Variants in XKR9 observed in about 807,000 individuals in gnomAD.
XKR9 encodes the protein XK-related protein 9.
XKR9 carries 32 observed loss-of-function variants against 32.0 expected under a neutral mutation model. That is an observed-to-expected ratio of 1.00 (90% CI 0.76 to 1.34). The LOEUF (loss-of-function observed/expected upper bound fraction) is 1.34, where lower values mean the gene tolerates loss of function less well. Among genes scored for constraint, XKR9 ranks in the 40% most tolerant of loss-of-function variants. The pLI, the probability that XKR9 is intolerant of heterozygous loss-of-function variation, is 0.00. For missense variants in XKR9, 546 were observed against 429.7 expected, an observed-to-expected ratio of 1.27 and a Z score of -2.39; for synonymous variants, 168 against 143.4, an observed-to-expected ratio of 1.17 and a Z score of -1.22.
At chr8:70,673,431 A>G (rs191507254) in intron 1 of XKR9, among the ~76,000 whole-genome samples, 55 of 152,356 alleles carry the variant, frequency 3.6e-4, no homozygotes, top group South Asian at 1.2e-3. Context: ...AATAGAAGGT[A>G]GATAGTGACT....
chr8:71,032,294 A>T, the XKR9 span, among the ~76,000 whole-genome samples: 75 of 150,602 alleles, frequency 5.0e-4, no homozygotes, highest in Non-Finnish European at 7.7e-4. Flanking sequence ...AAAAAAAAAA[A>T]AAAAAAAAAA....
chr8:70,948,004 G>A, the XKR9 span, among the ~76,000 whole-genome samples: 1 of 152,188 alleles, frequency 6.6e-6, no homozygotes, highest in Non-Finnish European at 1.5e-5. Flanking sequence ...TGAAGCAGCA[G>A]ATTTTGCCCC....
rs144076714 is a variant in XKR9 at position 70,751,574 on chromosome 8, C to G, written n.353-37765C>G. On this transcript the variant is annotated intron_variant and non_coding_transcript_variant, in intron 2 of 3. Transcript: ENST00000520273. ...ACTAAGTAAGGAAGATGTACCTTCACCCAATATGGGTAGGTACCATACGAT... is the reference window on the plus strand; with the variant it reads ...ACTAAGTAAGGAAGATGTACCTTCAGCCAATATGGGTAGGTACCATACGAT... Among the ~76,000 whole-genome samples the G allele has an allele frequency of 4.3e-3, 658 of 152,262 alleles. 4 individuals are homozygous for G. The highest frequency in any genetic ancestry group is 0.016 in the South Asian group (75 of 4,828).
At chr8:70,938,633 C>A in the XKR9 span, among the ~76,000 whole-genome samples, 6 of 152,052 alleles carry the variant, frequency 3.9e-5, no homozygotes, top group African/African-American at 1.4e-4. Flanking sequence ...TTGAAAGATA[C>A]AAAAGCCTCA....
chr8:70,759,696 G>C (rs937635213), intron 2 of XKR9, among the ~76,000 whole-genome samples: 3 of 152,116 alleles, frequency 2.0e-5, no homozygotes, highest in African/African-American at 7.2e-5. Flanking sequence ...TACCGTATTG[G>C]TATTTGCTGT....
chr8:70,834,567 A>T, the XKR9 span, among the ~76,000 whole-genome samples: 96 of 152,220 alleles, frequency 6.3e-4, no homozygotes, highest in Non-Finnish European at 6.9e-4. Context: ...TTTTATTCAA[A>T]AATATATCTT....
At chr8:70,672,410 T>C (rs562975187) in intron 1 of XKR9, among the ~76,000 whole-genome samples, 1 of 152,270 alleles carries the variant, frequency 6.6e-6, no homozygotes, top group East Asian at 1.9e-4. Context: ...CTCAGAAATA[T>C]GATCTCATTT....
intron 4 of XKR9, among the ~76,000 whole-genome samples, chr8:70,718,012 C>T (rs1487745301): frequency 6.6e-6 from 1 of 152,132 alleles, no homozygotes; most frequent in Non-Finnish European, 1.5e-5. Context: ...CTCCAAATTC[C>T]TCATCTCCAT....
chr8:70,989,163 C>G, the XKR9 span, among the ~76,000 whole-genome samples: 1 of 152,130 alleles, frequency 6.6e-6, no homozygotes, highest in Non-Finnish European at 1.5e-5. Context: ...ACATTATCTA[C>G]TAGGCAGGAT....
the XKR9 span, among the ~76,000 whole-genome samples, chr8:70,963,124 C>A: frequency 2.6e-5 from 4 of 152,104 alleles, no homozygotes; most frequent in Non-Finnish European, 4.4e-5. Context: ...TTCCCCCAGT[C>A]CCCACCTGAG....
At chr8:70,788,809 G>A (rs974720249) in intron 2 of XKR9, among the ~76,000 whole-genome samples, 2 of 152,022 alleles carry the variant, frequency 1.3e-5, no homozygotes, top group African/African-American at 4.8e-5. Context: ...TCTATAAAAT[G>A]TACTAAAAAT....
the XKR9 span, among the ~76,000 whole-genome samples, chr8:71,017,168 G>C: frequency 6.6e-6 from 1 of 152,188 alleles, no homozygotes; most frequent in Non-Finnish European, 1.5e-5. Flanking sequence ...TTCATATCAA[G>C]TGGAAACCAG....
chr8:70,729,679 C>A (rs1300908585), intron 4 of XKR9, among the ~76,000 whole-genome samples: 1 of 152,134 alleles, frequency 6.6e-6, no homozygotes, highest in Non-Finnish European at 1.5e-5. Context: ...AAATCTGTTA[C>A]CTCTGTGGTA....
chr8:70,789,772 A>G (rs1046907541), intron 3 of XKR9, among the ~76,000 whole-genome samples: 2 of 151,954 alleles, frequency 1.3e-5, no homozygotes, highest in Non-Finnish European at 2.9e-5. Flanking sequence ...CATCTTGTGG[A>G]ATGTAGGTTC....
intron 2 of XKR9, among the ~76,000 whole-genome samples, chr8:70,758,043 G>A (rs1807254218): frequency 6.6e-6 from 1 of 151,936 alleles, no homozygotes; most frequent in African/African-American, 2.4e-5. Context: ...ATTTTTTGTT[G>A]GTAACTATTT....
chr8:70,743,689 C>T (rs1807019020), intron 2 of XKR9, among the ~76,000 whole-genome samples: 1 of 152,096 alleles, frequency 6.6e-6, no homozygotes, highest in South Asian at 2.1e-4. Context: ...GTGAGACTTC[C>T]TTTCTGTTGG....
the XKR9 span, among the ~76,000 whole-genome samples, chr8:70,971,455 T>G: frequency 6.6e-6 from 1 of 152,272 alleles, no homozygotes; most frequent in Middle Eastern, 3.4e-3. Flanking sequence ...GTGCAGAAAG[T>G]TTTCAGTTGA....
the XKR9 span, among the ~76,000 whole-genome samples, chr8:71,013,988 C>T: frequency 0.43 from 65,702 of 151,830 alleles, 15,268 homozygotes; most frequent in Non-Finnish European, 0.53. Context: ...AGACCTGCCC[C>T]GATGCCCCTG....
At chr8:70,984,850 T>G in the XKR9 span, among the ~76,000 whole-genome samples, 1 of 152,192 alleles carries the variant, frequency 6.6e-6, no homozygotes, top group Non-Finnish European at 1.5e-5. Context: ...ACTGAAATTA[T>G]TAGGAAGTTT....
Sources: gnomAD v4.1 joint callset for allele counts (sites outside exome capture counted in the v4.1 genomes callset) on GRCh38, gnomAD v4.1.1 for gene constraint, MANE v1.5 for transcripts, NCBI Gene and HGNC (gene_info 2026-07-23, HGNC 2026-07-21) for gene names.